The following DRC8 variants were observed in gnomAD, a reference collection of about 807,000 sequenced individuals.
DRC8 encodes the protein dynein regulatory complex subunit 8.
At chr1:245,093,598 A>G in the DRC8 span, among the ~76,000 whole-genome samples, 1 of 151,476 alleles carries the variant, frequency 6.6e-6, no homozygotes, top group African/African-American at 2.4e-5. Flanking sequence ...CGGGAGGCTG[A>G]GGCAGGAGAA....
At chr1:245,057,213 A>G in the DRC8 span, among the ~76,000 whole-genome samples, 10 of 152,170 alleles carry the variant, frequency 6.6e-5, no homozygotes, top group Admixed American at 4.6e-4. Flanking sequence ...AGTTCACTAT[A>G]TATGCGGAAA....
the DRC8 span, among the ~76,000 whole-genome samples, chr1:245,005,040 G>T: frequency 6.6e-6 from 1 of 152,022 alleles, no homozygotes; most frequent in Non-Finnish European, 1.5e-5. Flanking sequence ...AGATGACATG[G>T]TTTTTTTGCT....
At chr1:245,106,728 C>A in the DRC8 span, among the ~76,000 whole-genome samples, 1 of 152,120 alleles carries the variant, frequency 6.6e-6, no homozygotes, top group African/African-American at 2.4e-5. Flanking sequence ...TCAAGATTTT[C>A]TTGATCTAGG....
chr1:245,081,395 T>C, the DRC8 span, among the ~76,000 whole-genome samples: 2 of 152,140 alleles, frequency 1.3e-5, no homozygotes, highest in African/African-American at 2.4e-5. Context: ...TCTGCTGACC[T>C]CGTGATCCAC....
chr1:244,981,132 C>T, the DRC8 span, among the ~76,000 whole-genome samples: 2 of 151,894 alleles, frequency 1.3e-5, no homozygotes, highest in African/African-American at 2.4e-5. Flanking sequence ...TGCAGTGAGC[C>T]GAGATCACGC....
the DRC8 span, among the ~76,000 whole-genome samples, chr1:244,983,876 G>A: frequency 1.3e-5 from 2 of 151,760 alleles, no homozygotes; most frequent in Non-Finnish European, 2.9e-5. Flanking sequence ...GTTTAAAAAT[G>A]TTCTGTTGTA....
the DRC8 span, among the ~76,000 whole-genome samples, chr1:245,060,520 G>A: frequency 6.6e-6 from 1 of 152,012 alleles, no homozygotes; most frequent in Non-Finnish European, 1.5e-5. Flanking sequence ...TTACCTTTTG[G>A]GATTCAATAA....
the DRC8 span, among the ~76,000 whole-genome samples, chr1:245,056,226 A>G: frequency 1.3e-5 from 2 of 152,210 alleles, no homozygotes; most frequent in African/African-American, 4.8e-5. Flanking sequence ...CCCAAGGTAG[A>G]CATTTTATAC....
At chr1:245,080,834 T>C in the DRC8 span, among the ~76,000 whole-genome samples, 1 of 152,172 alleles carries the variant, frequency 6.6e-6, no homozygotes, top group South Asian at 2.1e-4. Context: ...CTAGCAACCT[T>C]ATCACTGTCA....
the DRC8 span, among the ~76,000 whole-genome samples, chr1:245,098,039 G>A: frequency 6.6e-6 from 1 of 152,252 alleles, no homozygotes; most frequent in Non-Finnish European, 1.5e-5. Context: ...TTACCAGGGA[G>A]ATGGTGTCTC....
At chr1:245,014,010 C>T in the DRC8 span, among the ~76,000 whole-genome samples, 45 of 112,468 alleles carry the variant, frequency 4.0e-4, no homozygotes, top group African/African-American at 1.6e-3. Flanking sequence ...CCAGCCTGGG[C>T]GACATGGCAA....
chr1:244,997,091 C>T, the DRC8 span, among the ~76,000 whole-genome samples: 1 of 152,158 alleles, frequency 6.6e-6, no homozygotes, highest in Non-Finnish European at 1.5e-5. Context: ...GGAAAAAAGA[C>T]TGTACATGTT....
chr1:245,071,161 G>T, the DRC8 span, among the ~76,000 whole-genome samples: 1 of 152,174 alleles, frequency 6.6e-6, no homozygotes, highest in Non-Finnish European at 1.5e-5. Flanking sequence ...GATCTTCGTG[G>T]GACTATTTCT....
At chr1:245,073,600 A>G in the DRC8 span, among the ~76,000 whole-genome samples, 1 of 152,036 alleles carries the variant, frequency 6.6e-6, no homozygotes, top group Admixed American at 6.6e-5. Context: ...AACAAACTCA[A>G]ATTTATTAAT....
At chr1:245,046,560 A>G in the DRC8 span, among the ~76,000 whole-genome samples, 1 of 152,168 alleles carries the variant, frequency 6.6e-6, no homozygotes, top group Non-Finnish European at 1.5e-5. Context: ...TGTCTTTGGC[A>G]CCAGAAATAC....
the DRC8 span, among the ~76,000 whole-genome samples, chr1:244,986,841 C>A: frequency 6.6e-6 from 1 of 151,576 alleles, no homozygotes; most frequent in Non-Finnish European, 1.5e-5. Context: ...TAGACAGCAG[C>A]GGAGGAAATG....
chr1:245,044,550 G>GATTT, the DRC8 span, among the ~76,000 whole-genome samples: 5,418 of 149,962 alleles, frequency 0.036, 211 homozygotes, highest in East Asian at 0.14. Context: ...GCCCAGGCTG[G>GATTT]ATTTATTTAT....
At chr1:245,002,473 C>T in the DRC8 span, among the ~76,000 whole-genome samples, 1 of 152,198 alleles carries the variant, frequency 6.6e-6, no homozygotes, top group African/African-American at 2.4e-5. Flanking sequence ...CATTCTGTTT[C>T]ATTATAGGGA....
the DRC8 span, chr1:245,023,228 T>A: frequency 6.6e-6 from 1 of 152,276 alleles, no homozygotes; most frequent in Non-Finnish European, 1.5e-5. Flanking sequence ...CTTTTTTGAA[T>A]AATATTCCAT....
Sources: allele counts gnomAD v4.1 joint callset (sites outside exome capture counted in the v4.1 genomes callset), GRCh38; gene constraint gnomAD v4.1.1; transcripts MANE v1.5; gene names NCBI Gene and HGNC (gene_info 2026-07-23, HGNC 2026-07-21).